KMT2C: variants seen among roughly 807,000 people sequenced by gnomAD.
KMT2C encodes histone-lysine N-methyltransferase 2C.
KMT2C carries 88 observed loss-of-function variants against 507.9 expected under a neutral mutation model. That is an observed-to-expected ratio of 0.17 (90% CI 0.15 to 0.21). The LOEUF is 0.21. Ranked by LOEUF, KMT2C falls within the 10% of genes least tolerant of loss-of-function variation. The pLI is 1.00. For missense variants in KMT2C, 4,954 were observed against 5,957.8 expected (o/e 0.83, Z 5.55); for synonymous variants, 2,049 against 2,080.8 (o/e 0.98, Z 0.42).
Position 152,222,012 on chromosome 7 carries a change from A to G in KMT2C, c.3488T>C (p.Val1163Ala), listed in dbSNP as rs754716519. 7.2e-5 allele frequency: 116 copies of G among 1,604,182 alleles called. No homozygotes were observed. The highest frequency in any genetic ancestry group is 1.0e-4 in the Admixed American group (6 of 58,696). Residue 1163 changes from valine (V) to alanine (A), a missense_variant, in exon 22 of 59, where the codon GTA (valine) becomes GCA (alanine). Physicochemically the swap from Val to Ala is moderately conservative, Grantham distance 64. Around this residue, in one of 29 missense-constraint regions of KMT2C, gnomAD observed 176 missense variants for 262.0 expected, o/e 0.67. Coordinates refer to ENST00000262189, the MANE Select transcript of KMT2C (RefSeq NM_170606.3). ...ATTTCAAATTTTACCTAGCTCTTTT[A>G]CTTTTGTGACAATTTGTGCTACAAG... ...SSLVAQIVTKVKELDPPKTYT... is the reference protein window; with the variant it reads ...SSLVAQIVTKAKELDPPKTYT...
intron 6 of KMT2C, among the ~76,000 whole-genome samples, chr7:152,297,816 G>A (rs1277636698): frequency 6.6e-6 from 1 of 152,138 alleles, no homozygotes; most frequent in African/African-American, 2.4e-5. Flanking sequence ...AAAAGCAGCA[G>A]ACAATCATGA....
At chr7:152,167,734 G>A (rs2092794891) in intron 41 of KMT2C, among the ~76,000 whole-genome samples, 1 of 152,056 alleles carries the variant, frequency 6.6e-6, no homozygotes, top group Non-Finnish European at 1.5e-5. Flanking sequence ...TGCATTTTAT[G>A]AATACGATTT....
chr7:152,394,829 GACA>G (rs1266929391), intron 1 of KMT2C, among the ~76,000 whole-genome samples: 3 of 152,054 alleles, frequency 2.0e-5, no homozygotes, highest in South Asian at 4.2e-4. Context: ...AGCAACTATC[GACA>G]ACAAGCTGAG....
rs750508218 is a variant in KMT2C, at chr7:152,163,011, G to C, written c.10566C>G (p.Ile3522Met). Reference sequence around the variant, plus strand: ...AAGAAAAATTTGGGCTTCCAACAGGGATTGATGGTGAATCAGGAACAAATG... The same window carrying C: ...AAGAAAAATTTGGGCTTCCAACAGGCATTGATGGTGAATCAGGAACAAATG... ...PPSFVPDSPS[I>M]PVGSPNFSSV... The change falls in exon 43 of 59, where the codon ATC becomes ATG. Residue 3522 changes from isoleucine to methionine, a missense_variant. Coordinates refer to ENST00000262189, the MANE Select transcript of KMT2C (RefSeq NM_170606.3). 2 of 1,614,200 alleles carry C rather than the reference G, an allele frequency of 1.2e-6. No individual in the cohort carries two copies. The highest frequency in any genetic ancestry group is 4.5e-5 in the East Asian group (2 of 44,870).
At chr7:152,158,462 T>C (rs562524643) in intron 44 of KMT2C, among the ~76,000 whole-genome samples, 6 of 152,168 alleles carry the variant, frequency 3.9e-5, no homozygotes, top group Admixed American at 2.0e-4. Flanking sequence ...ACTAGGTTCC[T>C]TGTCCAGATG....
At chr7:152,167,060 CTAGTCA>C in intron 42 of KMT2C, 80 bp downstream of exon 42, 1 of 1,078,332 alleles carries the variant, frequency 9.3e-7, no homozygotes, top group South Asian at 1.5e-5. Context: ...AAAAAAATCA[CTAGTCA>C]AAGTCACTAA....
At chr7:152,411,968 G>A (rs1299368558) in intron 1 of KMT2C, among the ~76,000 whole-genome samples, 4 of 152,230 alleles carry the variant, frequency 2.6e-5, no homozygotes, top group Admixed American at 2.0e-4. Context: ...CAATTTTGCA[G>A]AGCAAAAAAT....
chr7:152,233,780 T>C (rs1037450684), intron 16 of KMT2C, among the ~76,000 whole-genome samples: 2 of 152,220 alleles, frequency 1.3e-5, no homozygotes, highest in Admixed American at 6.5e-5. Flanking sequence ...TCTTGAAAGA[T>C]GCAAATTTAT....
chr7:152,328,611 A>C (rs2096852514), intron 3 of KMT2C, among the ~76,000 whole-genome samples: 1 of 152,176 alleles, frequency 6.6e-6, no homozygotes, highest in Non-Finnish European at 1.5e-5. Flanking sequence ...TGGGGACCTG[A>C]TTATCATTAT....
chr7:152,257,865 GCA>G (rs113752747), intron 9 of KMT2C, among the ~76,000 whole-genome samples: 12,884 of 147,108 alleles, frequency 0.088, 1,250 homozygotes, highest in African/African-American at 0.24. Flanking sequence ...ACACACACAC[GCA>G]CACACACACA....
At chr7:152,327,180 AT>A (rs940585325) in intron 3 of KMT2C, among the ~76,000 whole-genome samples, 1 of 152,186 alleles carries the variant, frequency 6.6e-6, no homozygotes, top group Non-Finnish European at 1.5e-5. Flanking sequence ...ATCTACCTAT[AT>A]TTTTTACATG....
chr7:152,430,636 C>T (rs2097856136), intron 1 of KMT2C, among the ~76,000 whole-genome samples: 1 of 152,200 alleles, frequency 6.6e-6, no homozygotes, highest in South Asian at 2.1e-4. Flanking sequence ...CTCACACAAT[C>T]TTCTCTCAGC....
At chr7:152,266,742 G>A (rs1336053138) in intron 7 of KMT2C, among the ~76,000 whole-genome samples, 1 of 152,286 alleles carries the variant, frequency 6.6e-6, no homozygotes, top group East Asian at 1.9e-4. Flanking sequence ...CTGACAAAAA[G>A]TCAGACTTTT....
At chr7:152,332,713 T>C (rs2096895134) in intron 2 of KMT2C, among the ~76,000 whole-genome samples, 1 of 152,102 alleles carries the variant, frequency 6.6e-6, no homozygotes, top group East Asian at 1.9e-4. Flanking sequence ...CCGGGCTTGG[T>C]GGCACATGCC....
intron 2 of KMT2C, among the ~76,000 whole-genome samples, chr7:152,354,286 TTGTTGTAA>T (rs1486297977): frequency 6.6e-6 from 1 of 152,214 alleles, no homozygotes; most frequent in Non-Finnish European, 1.5e-5. Flanking sequence ...GAATTTAGTT[TTGTTGTAA>T]TGTTGTAATG....
chr7:152,272,689 A>G (rs986145467), intron 7 of KMT2C, among the ~76,000 whole-genome samples: 8 of 152,172 alleles, frequency 5.3e-5, no homozygotes, highest in Non-Finnish European at 2.9e-5. Flanking sequence ...TATAATTTGT[A>G]CACTAGGTTA....
chr7:152,282,727 G>A (rs2943952), intron 6 of KMT2C, among the ~76,000 whole-genome samples: 2 of 151,806 alleles, frequency 1.3e-5, no homozygotes, highest in African/African-American at 2.4e-5. Context: ...TTTCTGGGGC[G>A]CTATTATTTG....
chr7:152,347,927 G>C (rs2097075608), intron 2 of KMT2C, among the ~76,000 whole-genome samples: 1 of 152,036 alleles, frequency 6.6e-6, no homozygotes, highest in Admixed American at 6.6e-5. Context: ...GCATGCACAT[G>C]GTTCAACCCC....
chr7:152,219,617 A>G (rs535520133), intron 23 of KMT2C, among the ~76,000 whole-genome samples: 113 of 152,230 alleles, frequency 7.4e-4, no homozygotes, highest in African/African-American at 2.6e-3. Flanking sequence ...AATAAAATAT[A>G]ATCAAACAAA....
Sources: allele counts gnomAD v4.1 joint callset (sites outside exome capture counted in the v4.1 genomes callset), GRCh38; gene constraint gnomAD v4.1.1; regional missense constraint gnomAD v4.1.1; transcripts MANE v1.5; gene names NCBI Gene and HGNC (gene_info 2026-07-23, HGNC 2026-07-21).